BLTP3A: variants seen among roughly 807,000 people sequenced by gnomAD.
The protein encoded by BLTP3A is bridge-like lipid transfer protein family member 3A.
At chr6:34,822,103 C>T in the BLTP3A span, 1 of 980,514 alleles carries the variant, frequency 1.0e-6, no homozygotes, top group Non-Finnish European at 1.5e-6. Context: ...GACAGTGTGA[C>T]TGTTGTCTGG....
At chr6:34,833,490 T>C in the BLTP3A span, among the ~76,000 whole-genome samples, 1 of 152,120 alleles carries the variant, frequency 6.6e-6, no homozygotes, top group Non-Finnish European at 1.5e-5. Flanking sequence ...TTTTCTGTAG[T>C]TATACTTCCC....
At chr6:34,792,461 C>T in the BLTP3A span, among the ~76,000 whole-genome samples, 1 of 152,110 alleles carries the variant, frequency 6.6e-6, no homozygotes, top group African/African-American at 2.4e-5. Flanking sequence ...CCCCCGCGCC[C>T]GCCGGCGCCC....
chr6:34,800,851 T>A, the BLTP3A span, among the ~76,000 whole-genome samples: 1 of 152,180 alleles, frequency 6.6e-6, no homozygotes, highest in Non-Finnish European at 1.5e-5. Context: ...CCTCAGCCTC[T>A]TAAGTAGCTG....
chr6:34,823,211 G>T, the BLTP3A span: 1 of 1,473,228 alleles, frequency 6.8e-7, no homozygotes, highest in Non-Finnish European at 9.5e-7. Context: ...ATTGTGCTGT[G>T]TGTGTATTTG....
the BLTP3A span, among the ~76,000 whole-genome samples, chr6:34,805,334 T>C: frequency 6.6e-6 from 1 of 151,886 alleles, no homozygotes; most frequent in African/African-American, 2.4e-5. Flanking sequence ...AGCTCACACC[T>C]GTAATCCTAG....
chr6:34,834,533 C>T, the BLTP3A span: 4 of 1,401,468 alleles, frequency 2.9e-6, no homozygotes, highest in Non-Finnish European at 3.9e-6. Context: ...ACCCAGAGGC[C>T]TTTCTGTCCA....
the BLTP3A span, among the ~76,000 whole-genome samples, chr6:34,847,047 T>C: frequency 6.6e-6 from 1 of 152,230 alleles, no homozygotes; most frequent in Non-Finnish European, 1.5e-5. Context: ...CATTCTGTGA[T>C]ATGTTGTATC....
the BLTP3A span, among the ~76,000 whole-genome samples, chr6:34,850,602 A>G: frequency 5.3e-5 from 8 of 152,148 alleles, no homozygotes; most frequent in Non-Finnish European, 1.2e-4. Context: ...CCTGTCTTCA[A>G]GCTCACCAAT....
chr6:34,836,869 GTTTGTA>G, the BLTP3A span, among the ~76,000 whole-genome samples: 1 of 152,158 alleles, frequency 6.6e-6, no homozygotes, highest in Admixed American at 6.5e-5. Flanking sequence ...TTATATATGT[GTTTGTA>G]TTTATTCAGA....
At chr6:34,846,539 T>C in the BLTP3A span, among the ~76,000 whole-genome samples, 16 of 152,216 alleles carry the variant, frequency 1.1e-4, no homozygotes, top group Admixed American at 1.0e-3. Context: ...TAAATGGGGT[T>C]ACTCTCTTGA....
the BLTP3A span, among the ~76,000 whole-genome samples, chr6:34,865,660 G>A: frequency 6.6e-6 from 1 of 152,126 alleles, no homozygotes; most frequent in Non-Finnish European, 1.5e-5. Flanking sequence ...GGGTGCTAGG[G>A]TTTCCTTTTC....
the BLTP3A span, among the ~76,000 whole-genome samples, chr6:34,815,444 T>C: frequency 7.2e-5 from 11 of 151,736 alleles, no homozygotes; most frequent in African/African-American, 2.7e-4. Flanking sequence ...CAGATGGAGG[T>C]TCTCCATGTT....
the BLTP3A span, among the ~76,000 whole-genome samples, chr6:34,866,658 A>G: frequency 6.6e-6 from 1 of 152,192 alleles, no homozygotes; most frequent in Non-Finnish European, 1.5e-5. Context: ...TGATTGTTGT[A>G]CAATCATTAC....
chr6:34,825,587 G>A, the BLTP3A span, among the ~76,000 whole-genome samples: 1 of 152,162 alleles, frequency 6.6e-6, no homozygotes, highest in Non-Finnish European at 1.5e-5. Context: ...GATCACAGGC[G>A]CGAGCCACTG....
chr6:34,877,491 C>G, the BLTP3A span: 1 of 152,422 alleles, frequency 6.6e-6, no homozygotes, highest in African/African-American at 2.4e-5. Flanking sequence ...CCTGAAAAAA[C>G]AAATTAAATG....
At chr6:34,839,450 G>C in the BLTP3A span, among the ~76,000 whole-genome samples, 11 of 152,320 alleles carry the variant, frequency 7.2e-5, no homozygotes, top group East Asian at 2.1e-3. Context: ...AACCACGTGT[G>C]ACTACTGGAC....
chr6:34,803,025 A>T, the BLTP3A span, among the ~76,000 whole-genome samples: 1 of 151,834 alleles, frequency 6.6e-6, no homozygotes, highest in Non-Finnish European at 1.5e-5. Flanking sequence ...AAATACAAAA[A>T]TTAGCTGGGT....
the BLTP3A span, chr6:34,859,071 T>C: frequency 6.2e-7 from 1 of 1,614,188 alleles, no homozygotes; most frequent in Non-Finnish European, 8.5e-7. Context: ...GCCTCGTAGA[T>C]TCAGAGCTAT....
chr6:34,834,372 G>T, the BLTP3A span: 2 of 1,613,550 alleles, frequency 1.2e-6, no homozygotes, highest in Non-Finnish European at 1.7e-6. Context: ...AGTGACCTTC[G>T]CCTTACCCGC....
Sources: allele counts gnomAD v4.1 joint callset (sites outside exome capture counted in the v4.1 genomes callset), GRCh38; gene constraint gnomAD v4.1.1; transcripts MANE v1.5; gene names NCBI Gene and HGNC (gene_info 2026-07-23, HGNC 2026-07-21).